The following NOL8 variants were observed in gnomAD, a reference collection of about 807,000 sequenced individuals.
NOL8 encodes the protein nucleolar protein Nop132.
Under a neutral mutation model 116.1 loss-of-function variants are expected in NOL8, and 93 were observed. The observed-to-expected ratio is 0.80, with a 90% confidence interval of 0.68 to 0.95. The LOEUF (loss-of-function observed/expected upper bound fraction) is 0.95, where lower values mean the gene tolerates loss of function less well. Ranked by LOEUF, NOL8 falls within the 40% of genes least tolerant of loss-of-function variation. The pLI is 0.00. For synonymous variants in NOL8, 419 were observed against 469.0 expected (o/e 0.89, Z 1.38); for missense variants, 1,291 against 1,382.8 (o/e 0.93, Z 1.05).
intron 11 of NOL8, among the ~76,000 whole-genome samples, chr9:92,306,214 C>T (rs981622914): frequency 6.6e-6 from 1 of 152,060 alleles, no homozygotes; most frequent in African/African-American, 2.4e-5. Context: ...GGCTGCTCTC[C>T]AACTCCTGAT....
intron 6 of NOL8, 106 bp from the exon 7 acceptor site, chr9:92,316,244 C>A: frequency 8.1e-7 from 1 of 1,231,178 alleles, no homozygotes; most frequent in East Asian, 2.5e-5. Flanking sequence ...TTTCCCCCCC[C>A]TTTCAGTTTC....
chr9:92,310,850 G>T (rs1331119359), intron 8 of NOL8, 175 bp from the exon 9 acceptor site: 4 of 655,292 alleles, frequency 6.1e-6, no homozygotes, highest in Non-Finnish European at 7.6e-6. Context: ...TGGCCTCTGG[G>T]ATCACTAATC....
chr9:92,322,299 C>T (rs1221658974), intron 3 of NOL8, among the ~76,000 whole-genome samples: 2 of 152,120 alleles, frequency 1.3e-5, no homozygotes, highest in African/African-American at 2.4e-5. Flanking sequence ...GAGCATCTGC[C>T]GTCAGCTTCC....
At position 92,317,095 on chromosome 9, in the gene NOL8, G is replaced by A. The variant is rs920139819; in HGVS notation, c.487-957C>T. 2.8e-4 allele frequency among the ~76,000 whole-genome samples: 43 copies of A among 152,268 alleles called. 1 individual carries two copies. The South Asian group carries it at 6.2e-3, about 22-fold the overall frequency. The stretch of plus-strand genomic sequence containing the variant: ...AGCCTCCCCAGTGGCAGGGACCACA[G>A]GCATGTGCCACCGGGCCCAGCCTGA... On this transcript the variant is annotated intron_variant, in intron 6 of 16. Coordinates refer to ENST00000442668, the MANE Select transcript of NOL8 (RefSeq NM_017948.6).
At position 92,310,267 on chromosome 9, in the gene NOL8, C is replaced by T; in HGVS notation, c.2596-6G>A. The T allele has an allele frequency of 6.2e-7, 1 of 1,600,326 alleles. No individual in the cohort carries two copies. The highest frequency in any genetic ancestry group is 8.5e-7 in the Non-Finnish European group (1 of 1,172,970). ...TGCGACTGTAAATCCATGAGCTACA[C>T]AGACAGAAAACATACATAATTGATA... On this transcript the variant is annotated splice_region_variant and splice_polypyrimidine_tract_variant and intron_variant, in intron 9 of 16. Coordinates refer to ENST00000442668, the MANE Select transcript of NOL8 (RefSeq NM_017948.6).
chr9:92,322,660 A>G lies in NOL8; in HGVS notation c.202+781T>C, dbSNP rs767952925. Among the ~76,000 whole-genome samples, 14 of 152,328 alleles carry G rather than the reference A, an allele frequency of 9.2e-5. No homozygotes were observed. The South Asian group carries it at 1.7e-3, about 18-fold the overall frequency. On this transcript the variant is annotated intron_variant, in intron 3 of 16. Transcript: ENST00000442668. ...CATTTAATTTAATTCTCACAGAAAT[A>G]TTATGAGGCAAGCACTATCTTTTGT... is the stretch of plus-strand genomic sequence containing the variant.
chr9:92,322,401 C>T lies in NOL8; in HGVS notation c.203-655G>A, dbSNP rs868726377. Among the ~76,000 whole-genome samples, 5 of 152,310 alleles carry T rather than the reference C, an allele frequency of 3.3e-5. No homozygotes were observed. The South Asian group carries it at 1.0e-3, about 32-fold the overall frequency. ...TTTTTGAGACAGAGTGTCCTTCTGT[C>T]GCCCAGGCTGGAGTGCAGTGGCACT... On this transcript the variant is annotated intron_variant, in intron 3 of 16. Coordinates refer to ENST00000442668, the MANE Select transcript of NOL8 (RefSeq NM_017948.6).
chr9:92,321,501 T>C (rs2130739534), intron 4 of NOL8, among the ~76,000 whole-genome samples, 167 bp downstream of exon 4: 1 of 152,270 alleles, frequency 6.6e-6, no homozygotes, highest in South Asian at 2.1e-4. Flanking sequence ...TCCTTTTTGT[T>C]CGTCTGGGGT....
intron 1 of NOL8, chr9:92,324,906 C>T (rs953205842): frequency 6.6e-6 from 1 of 152,088 alleles, no homozygotes; most frequent in Non-Finnish European, 1.5e-5. Flanking sequence ...AATGCCATAC[C>T]GAAAATTAGT....
chr9:92,300,213 A>C (rs1271114980), intron 13 of NOL8, 197 bp from the exon 14 acceptor site: 1 of 1,237,896 alleles, frequency 8.1e-7, no homozygotes, highest in Non-Finnish European at 1.0e-6. Flanking sequence ...AGCCACTATC[A>C]TAATTTTGGC....
rs1416970684 is a variant in NOL8, at chr9:92,298,279, G to A, written c.3431C>T (p.Ala1144Val). ...CACCATACGCAGGTTGGTTGTTCTG[G>A]CCTCCCAAGAGTTCCTGCTCATATT... ...GSNMSRNSWE[A>V]RTTNLRMDCR... The change falls in exon 16 of 17, where the codon GCC (alanine) becomes GTC (valine). Residue 1144 changes from alanine (A) to valine (V), a missense_variant. By Grantham distance (64) the Ala-to-Val change is moderately conservative. Coordinates refer to ENST00000442668, the MANE Select transcript of NOL8 (RefSeq NM_017948.6). 6.2e-7 allele frequency: 1 copy of A among 1,608,488 alleles called. No homozygotes were observed. Among genetic ancestry groups the A allele is most frequent in the Admixed American group, 1.7e-5 (1 of 59,364 alleles).
At chr9:92,301,921 A>G (rs1354445800) in intron 12 of NOL8, 99 bp from the exon 13 acceptor site, 7 of 953,360 alleles carry the variant, frequency 7.3e-6, no homozygotes, top group East Asian at 2.8e-5. Flanking sequence ...CTTTAATTCT[A>G]TCCTATCAAC....
Position 92,311,175 on chromosome 9 carries a change from G to A in NOL8, c.2443C>T (p.Gln815Ter), listed in dbSNP as rs1564219525. The A allele has an allele frequency of 6.2e-7, 1 of 1,613,686 alleles. No individual in the cohort carries two copies. Among genetic ancestry groups the A allele is most frequent in the Non-Finnish European group, 8.5e-7 (1 of 1,179,718 alleles). The part of the protein sequence containing the change: ...CETEETSTQE[Q>*]SHPGEEWVKE... ...ACCCATTCCTCTCCTGGATGGCTCT[G>A]CTCCTGAGTCGATGTCTCCTCTGTT... is the stretch of plus-strand genomic sequence containing the variant. Residue 815 changes from glutamine (Q) to a stop codon, truncating the protein, a stop_gained, in exon 8 of 17, where the codon CAG becomes TAG. Coordinates refer to ENST00000442668, the MANE Select transcript of NOL8 (RefSeq NM_017948.6). LOFTEE classifies it high-confidence loss of function.
chr9:92,304,050 A>G (rs1838001112), intron 12 of NOL8, among the ~76,000 whole-genome samples: 1 of 152,222 alleles, frequency 6.6e-6, no homozygotes, highest in South Asian at 2.1e-4. Context: ...CTGGACTGGT[A>G]GGTACAGGAA....
intron 4 of NOL8, among the ~76,000 whole-genome samples, chr9:92,320,896 C>T (rs1223269237): frequency 1.3e-4 from 20 of 152,310 alleles, no homozygotes; most frequent in African/African-American, 4.3e-4. Context: ...CGTGAGCCAC[C>T]GTGCCCGGCC....
intron 8 of NOL8, 43 bp downstream of exon 8, chr9:92,311,103 C>G (rs1398364301): frequency 2.1e-6 from 3 of 1,444,368 alleles, no homozygotes; most frequent in Non-Finnish European, 2.9e-6. Flanking sequence ...TGTGGATCTG[C>G]AGAAGTAGAT....
chr9:92,310,509 A>G (rs1280880056), intron 9 of NOL8, 44 bp downstream of exon 9: 7 of 1,560,560 alleles, frequency 4.5e-6, no homozygotes, highest in Non-Finnish European at 6.1e-6. Flanking sequence ...ATGTCAAAAA[A>G]TAAGGACATG....
chr9:92,312,572 A>G (rs1257723066), intron 7 of NOL8, among the ~76,000 whole-genome samples: 1 of 151,784 alleles, frequency 6.6e-6, no homozygotes, highest in South Asian at 2.1e-4. Context: ...CACGCCTGTA[A>G]TCCCAACACT....
At chr9:92,306,236 C>T (rs961196285) in intron 11 of NOL8, among the ~76,000 whole-genome samples, 5 of 152,232 alleles carry the variant, frequency 3.3e-5, no homozygotes, top group East Asian at 1.9e-4. Flanking sequence ...TCAGGTGATC[C>T]GCCCACCTTA....
Sources: allele counts gnomAD v4.1 joint callset (sites outside exome capture counted in the v4.1 genomes callset), GRCh38; gene constraint gnomAD v4.1.1; transcripts MANE v1.5; gene names NCBI Gene and HGNC (gene_info 2026-07-23, HGNC 2026-07-21).